The following KRT79 variants were observed in gnomAD, a reference collection of about 807,000 sequenced individuals.
KRT79 encodes keratin, type II cytoskeletal 79.
Under a neutral mutation model 49.0 loss-of-function variants are expected in KRT79, and 51 were observed. The observed-to-expected ratio is 1.04, with a 90% CI of 0.83 to 1.31. The LOEUF (loss-of-function observed/expected upper bound fraction) is 1.31, where lower values mean the gene tolerates loss of function less well. Ranked by LOEUF, KRT79 falls within the 40% of genes most tolerant of loss-of-function variation. The probability of loss-of-function intolerance (pLI) is 0.00; values close to 1 mark genes in which losing one functional copy is unlikely to be tolerated. For synonymous variants in KRT79, 312 were observed against 286.6 expected (o/e 1.09, Z -0.90); for missense variants, 728 against 688.0 (o/e 1.06, Z -0.65).
intron 2 of KRT79, 97 bp downstream of exon 2, chr12:52,831,309 G>A: frequency 2.6e-6 from 3 of 1,139,650 alleles, no homozygotes; most frequent in Non-Finnish European, 3.9e-6. Flanking sequence ...CATCCCCCAG[G>A]TGGGCCTGGG....
chr12:52,833,340 G>A (rs373421244), intron 1 of KRT79, among the ~76,000 whole-genome samples: 13 of 152,262 alleles, frequency 8.5e-5, no homozygotes, highest in African/African-American at 3.1e-4. Context: ...GGAACAAACA[G>A]GGCTCCATGC....
At position 52,830,126 on chromosome 12, in the gene KRT79, C is replaced by T. The variant is rs374174567; in HGVS notation, c.760-8G>A. On this transcript the variant is annotated splice_polypyrimidine_tract_variant and splice_region_variant and intron_variant, in intron 3 of 8. Transcript: ENST00000330553. ...GTATGCTGCATCCACATCCTGGGGA[C>T]GAGAGAGCAAGACAGATCCTCAGGC... 192 of 1,613,924 alleles carry T rather than the reference C, an allele frequency of 1.2e-4. 1 individual carries two copies. The highest frequency in any genetic ancestry group is 1.2e-3 in the South Asian group (107 of 91,074).
chr12:52,828,313 C>T (rs1306442054), intron 4 of KRT79, among the ~76,000 whole-genome samples: 1 of 152,344 alleles, frequency 6.6e-6, no homozygotes, highest in South Asian at 2.1e-4. Flanking sequence ...AGCTGAGGCT[C>T]TTTAACCACA....
At chr12:52,831,708 C>T in intron 1 of KRT79, 82 bp from the exon 2 acceptor site, 1 of 1,149,608 alleles carries the variant, frequency 8.7e-7, no homozygotes, top group Non-Finnish European at 1.3e-6. Flanking sequence ...GCCACCTCCC[C>T]TCCAAGGCCA....
intron 4 of KRT79, among the ~76,000 whole-genome samples, chr12:52,824,588 G>A (rs749833228): frequency 2.0e-5 from 3 of 152,186 alleles, no homozygotes; most frequent in Non-Finnish European, 2.9e-5. Flanking sequence ...GGGTTTGCAG[G>A]CTTCCAAAAG....
chr12:52,834,149 C>G lies in KRT79; in HGVS notation c.112G>C (p.Val38Leu). 1.2e-6 allele frequency: 2 copies of G among 1,613,584 alleles called. No individual in the cohort carries two copies. The highest frequency in any genetic ancestry group is 1.7e-6 in the Non-Finnish European group (2 of 1,179,880). ...QARTSFSSVT[V>L]SRSSGSGGGA... ...CCACCACTGCCACTGCTCCGAGACACCGTCACTGAGCTGAAGCTGGTGCGG... is the reference window on the plus strand; with the variant it reads ...CCACCACTGCCACTGCTCCGAGACAGCGTCACTGAGCTGAAGCTGGTGCGG... Residue 38 changes from valine to leucine, a missense_variant, in exon 1 of 9, where the codon GTG (valine) becomes CTG (leucine). By Grantham distance (32) the Val-to-Leu change is conservative (BLOSUM62 1). Coordinates refer to ENST00000330553, the MANE Select transcript of KRT79 (RefSeq NM_175834.3).
At position 52,823,219 on chromosome 12, in the gene KRT79, CG is replaced by C. The variant is rs1565689466; in HGVS notation, c.1163del (p.Thr388ArgfsTer35). The C allele has an allele frequency of 6.2e-7, 1 of 1,614,170 alleles. No homozygotes were observed. ...CACGCTGCTCCGCTTCCGCAATGGC[CG>C]TCTGCAGCTGCTGACACTGCCCAGG... Reference protein sequence around the residue: ...AAKKQCQQLQTAIAEAEQRGE... With the variant: ...AAKKQCQQLQXAIAEAEQRGE... On this transcript the variant is annotated frameshift_variant, in exon 7 of 9. Transcript: ENST00000330553. LOFTEE classifies it high-confidence loss of function.
chr12:52,822,483 C>CAA, intron 7 of KRT79, 104 bp from the exon 8 acceptor site: 7 of 762,288 alleles, frequency 9.2e-6, no homozygotes, highest in Non-Finnish European at 1.5e-5. Context: ...TCAGTGAATC[C>CAA]TGATGACAAG....
Position 52,829,930 on chromosome 12 carries a change from G to T in KRT79, c.855+93C>A, listed in dbSNP as rs892939813. On this transcript the variant is annotated intron_variant, in intron 4 of 8. Transcript: ENST00000330553. ...TAAGGTTTCATCTTCCACCAATGAG[G>T]TTGCACTGGTGAATTCAGGTCAGAC... The T allele has an allele frequency of 3.0e-5, 30 of 1,008,616 alleles. No homozygotes were observed. In the Admixed American group the frequency reaches 3.1e-4, roughly 11 times the overall value. The allele number at this position is 1,008,616 out of a possible 1,614,324, so 62.5% of individuals were successfully genotyped here.
intron 2 of KRT79, chr12:52,830,581 C>T (rs953050037): frequency 7.5e-6 from 3 of 401,490 alleles, no homozygotes; most frequent in African/African-American, 4.0e-5. Context: ...TTTAGAGGGA[C>T]AAGTGAAGAT....
chr12:52,823,737 G>T, intron 6 of KRT79, 150 bp downstream of exon 6: 1 of 906,522 alleles, frequency 1.1e-6, no homozygotes, highest in Non-Finnish European at 1.6e-6. Flanking sequence ...CTGTGCCTCA[G>T]TTTCCCCCCA....
At chr12:52,831,085 A>G (rs1162108360) in intron 2 of KRT79, among the ~76,000 whole-genome samples, 1 of 152,034 alleles carries the variant, frequency 6.6e-6, no homozygotes, top group Non-Finnish European at 1.5e-5. Context: ...AAAAAAAAAG[A>G]CTACACGGGA....
At chr12:52,831,327 G>C in intron 2 of KRT79, 79 bp downstream of exon 2, 1 of 1,390,246 alleles carries the variant, frequency 7.2e-7, no homozygotes, top group Non-Finnish European at 1.0e-6. Context: ...GGGACCCTGG[G>C]AATGGGGTGG....
rs1454605335 is a variant in KRT79, at chr12:52,824,142, G to T, written c.1020+56C>A. On this transcript the variant is annotated intron_variant, in intron 5 of 8. Coordinates refer to ENST00000330553, the MANE Select transcript of KRT79 (RefSeq NM_175834.3). ...GGTCCCAGAGGCCCAAGCCTCTCAC[G>T]ATGGGAGATCTGATCCGACCCCAGG... 3.1e-6 allele frequency: 5 copies of T among 1,612,974 alleles called. No individual in the cohort carries two copies. In the South Asian group the frequency reaches 3.3e-5, roughly 11 times the overall value.
chr12:52,832,882 A>G (rs1940274741), intron 1 of KRT79, among the ~76,000 whole-genome samples: 1 of 152,208 alleles, frequency 6.6e-6, no homozygotes, highest in Admixed American at 6.5e-5. Context: ...AATGGGCACA[A>G]TATCACCATT....
intron 2 of KRT79, among the ~76,000 whole-genome samples, chr12:52,831,002 T>C (rs1300698477): frequency 6.6e-6 from 1 of 151,948 alleles, no homozygotes; most frequent in Non-Finnish European, 1.5e-5. Context: ...TATTAGTGAA[T>C]GAAATGACAA....
chr12:52,822,971 G>T, intron 7 of KRT79, 45 bp downstream of exon 7: 2 of 1,588,180 alleles, frequency 1.3e-6, no homozygotes, highest in African/African-American at 1.4e-5. Flanking sequence ...CTCCCCCAGG[G>T]CAGGCCCGAC....
intron 4 of KRT79, among the ~76,000 whole-genome samples, chr12:52,827,557 A>G (rs1940194312): frequency 6.6e-6 from 1 of 152,160 alleles, no homozygotes; most frequent in African/African-American, 2.4e-5. Flanking sequence ...AAAACTCAGC[A>G]TGGCAGCCCA....
At chr12:52,825,507 G>A (rs1379622037) in intron 4 of KRT79, among the ~76,000 whole-genome samples, 6 of 152,184 alleles carry the variant, frequency 3.9e-5, no homozygotes, top group Admixed American at 6.5e-5. Context: ...TCACAAGCCA[G>A]TAAGTGAGGA....
Sources: gnomAD v4.1 joint callset for allele counts (sites outside exome capture counted in the v4.1 genomes callset) on GRCh38, gnomAD v4.1.1 for gene constraint, MANE v1.5 for transcripts, NCBI Gene and HGNC (gene_info 2026-07-23, HGNC 2026-07-21) for gene names.